TRPC1: variants seen among roughly 807,000 people sequenced by gnomAD.
TRPC1 encodes transient receptor potential cation channel subfamily C member 1, also known as short transient receptor potential channel 1.
Under a neutral mutation model 88.2 loss-of-function variants are expected in TRPC1, and 42 were observed. The observed-to-expected ratio is 0.48, with a 90% CI of 0.37 to 0.62. TRPC1 has a LOEUF of 0.62. Ranked by LOEUF, TRPC1 falls within the 20% of genes least tolerant of loss-of-function variation. TRPC1 has a pLI of 0.00. For missense variants in TRPC1, 699 were observed against 957.3 expected (o/e 0.73, Z 3.56); for synonymous variants, 288 against 331.8 (o/e 0.87, Z 1.43).
intron 1 of TRPC1, among the ~76,000 whole-genome samples, chr3:142,734,989 T>A (rs1934075538): frequency 6.6e-6 from 1 of 152,218 alleles, no homozygotes; most frequent in South Asian, 2.1e-4. Context: ...TGGTCTATCT[T>A]TGGTCACTAT....
At chr3:142,762,326 G>A (rs1371647124) in intron 4 of TRPC1, among the ~76,000 whole-genome samples, 11 of 151,672 alleles carry the variant, frequency 7.3e-5, no homozygotes, top group Non-Finnish European at 8.8e-5. Context: ...ATGAGCCACC[G>A]TGCCTGGCCT....
intron 4 of TRPC1, among the ~76,000 whole-genome samples, chr3:142,760,460 A>G (rs1487533391): frequency 2.6e-5 from 4 of 152,194 alleles, no homozygotes; most frequent in Non-Finnish European, 5.9e-5. Flanking sequence ...TTATGCCAGT[A>G]CCATGCTGTT....
chr3:142,772,275 G>A (rs192128184), intron 4 of TRPC1, among the ~76,000 whole-genome samples: 1 of 152,032 alleles, frequency 6.6e-6, no homozygotes, highest in Non-Finnish European at 1.5e-5. Context: ...TCTTCTTACA[G>A]TACTTCCATT....
At chr3:142,758,113 C>T (rs1313649380) in intron 4 of TRPC1, among the ~76,000 whole-genome samples, 1 of 152,078 alleles carries the variant, frequency 6.6e-6, no homozygotes, top group Non-Finnish European at 1.5e-5. Flanking sequence ...TCCTAACACC[C>T]CCACCACCCT....
In TRPC1 at chr3:142,783,362, A is replaced by G. The variant is rs76728562; in HGVS notation, c.961-1342A>G. Reference sequence around the variant, plus strand: ...GGACAAATTAAGATTTCCCAAGAACATTGGAATCTGAGCAGAAGAGTAAAG... The same window carrying G: ...GGACAAATTAAGATTTCCCAAGAACGTTGGAATCTGAGCAGAAGAGTAAAG... On this transcript the variant is annotated intron_variant, in intron 6 of 12. Coordinates refer to ENST00000476941, the MANE Select transcript of TRPC1 (RefSeq NM_001251845.2). Among the ~76,000 whole-genome samples, 691 of 152,340 alleles carry G rather than the reference A, an allele frequency of 4.5e-3. 24 individuals are homozygous for G. The East Asian group carries it at 0.089, about 20-fold the overall frequency.
intron 12 of TRPC1, among the ~76,000 whole-genome samples, chr3:142,805,319 G>T (rs1251420861): frequency 6.6e-6 from 1 of 151,766 alleles, no homozygotes; most frequent in Non-Finnish European, 1.5e-5. Context: ...ATGACTACTA[G>T]AATCAGCTCA....
At chr3:142,763,981 T>C (rs866710781) in intron 4 of TRPC1, among the ~76,000 whole-genome samples, 54 of 62,554 alleles carry the variant, frequency 8.6e-4, no homozygotes, top group African/African-American at 1.3e-3. Flanking sequence ...TATATATATA[T>C]ATACACATAC....
chr3:142,745,811 G>C (rs1258567371), intron 3 of TRPC1, among the ~76,000 whole-genome samples: 1 of 151,476 alleles, frequency 6.6e-6, no homozygotes, highest in Non-Finnish European at 1.5e-5. Context: ...AGGCTGCAGT[G>C]CAATGGCGTG....
chr3:142,768,792 A>G (rs533780071), intron 4 of TRPC1, among the ~76,000 whole-genome samples: 2 of 152,122 alleles, frequency 1.3e-5, no homozygotes, highest in South Asian at 4.2e-4. Flanking sequence ...ATTACAATCT[A>G]TTTCAAGTTG....
chr3:142,742,607 A>C (rs1169058912), intron 2 of TRPC1, among the ~76,000 whole-genome samples: 3 of 152,214 alleles, frequency 2.0e-5, no homozygotes, highest in African/African-American at 4.8e-5. Context: ...AAGAACATTG[A>C]TTTAAATAGT....
intron 9 of TRPC1, 28 bp from the exon 10 acceptor site, chr3:142,802,141 A>G: frequency 7.1e-7 from 1 of 1,417,086 alleles, no homozygotes; most frequent in South Asian, 1.8e-5. Flanking sequence ...GATAATCTTA[A>G]TGAACACCTG....
chr3:142,779,861 ATTT>A (rs1008974297), intron 5 of TRPC1, among the ~76,000 whole-genome samples: 20 of 125,390 alleles, frequency 1.6e-4, no homozygotes, highest in South Asian at 1.3e-3. Context: ...AATGTAATTG[ATTT>A]TTTTTTTTTT....
At chr3:142,789,698 G>T (rs899939525) in intron 7 of TRPC1, among the ~76,000 whole-genome samples, 1 of 152,160 alleles carries the variant, frequency 6.6e-6, no homozygotes, top group Admixed American at 6.5e-5. Context: ...ACCATAAAAT[G>T]ATCCTGAATT....
In TRPC1 at chr3:142,784,769, C is replaced by T. The variant is rs1936079345; in HGVS notation, c.1026C>T (p.Tyr342=). The change falls in exon 7 of 13, where the codon TAC becomes TAT. Residue 342 remains tyrosine, a synonymous_variant. Transcript: ENST00000476941. Reference sequence around the variant, plus strand: ...TTTGGTTTGGACAGATGTCGGGTTACCGACGCAAGCCCACCTGTAAGAAGA... The same window carrying T: ...TTTGGTTTGGACAGATGTCGGGTTATCGACGCAAGCCCACCTGTAAGAAGA... The part of the protein sequence containing the change: ...NTVWFGQMSG[Y]RRKPTCKKIM... 6.2e-7 allele frequency: 1 copy of T among 1,614,134 alleles called. No individual in the cohort carries two copies.
At chr3:142,779,029 G>GA (rs1232103751) in intron 5 of TRPC1, among the ~76,000 whole-genome samples, 2 of 152,094 alleles carry the variant, frequency 1.3e-5, no homozygotes, top group Non-Finnish European at 2.9e-5. Flanking sequence ...GTTTAAATAT[G>GA]AAAAACTTCC....
At chr3:142,737,979 A>G (rs1424777112) in intron 2 of TRPC1, among the ~76,000 whole-genome samples, 4 of 152,222 alleles carry the variant, frequency 2.6e-5, no homozygotes, top group African/African-American at 9.6e-5. Flanking sequence ...AAAAAAATTC[A>G]TACGCTGATT....
Position 142,792,852 on chromosome 3 carries a change from G to A in TRPC1, c.1466G>A (p.Trp489Ter). 1 of 1,598,894 alleles carries A rather than the reference G, an allele frequency of 6.3e-7. No individual in the cohort carries two copies. The highest frequency in any genetic ancestry group is 1.7e-5 in the Admixed American group (1 of 58,428). ...KFHDFADRKD[W>*]DAFHPTLVAE... ...CATGATTTTGCTGATCGGAAGGATT[G>A]GGATGCATTCCATCCTACACTGGTG... The change falls in exon 9 of 13, where the codon TGG becomes TAG. Residue 489 changes from tryptophan to a stop codon, truncating the protein, a stop_gained. Transcript: ENST00000476941. LOFTEE classifies it high-confidence loss of function. The surrounding 1 kb of genome is among the most constrained non-coding windows in gnomAD (Gnocchi z 4.0).
At chr3:142,743,199 C>T (rs1179146974) in intron 2 of TRPC1, among the ~76,000 whole-genome samples, 2 of 151,928 alleles carry the variant, frequency 1.3e-5, no homozygotes, top group Admixed American at 6.6e-5. Context: ...ACTTTAAATC[C>T]TGCATGGATC....
chr3:142,780,265 AAG>A (rs1420638424), intron 5 of TRPC1, among the ~76,000 whole-genome samples: 1 of 152,358 alleles, frequency 6.6e-6, no homozygotes, highest in East Asian at 1.9e-4. Context: ...GGGATTCTGA[AAG>A]AGAGGTTTTT....
Sources: gnomAD v4.1 joint callset for allele counts (sites outside exome capture counted in the v4.1 genomes callset) on GRCh38, gnomAD v4.1.1 for gene constraint, Gnocchi (gnomAD v3.1) non-coding constraint, MANE v1.5 for transcripts, NCBI Gene and HGNC (gene_info 2026-07-23, HGNC 2026-07-21) for gene names.